Variants in HAS3 observed in about 807,000 individuals in gnomAD.
The protein encoded by HAS3 is HA synthase 3.
A neutral mutation model predicts 50.3 loss-of-function variants in HAS3; 27 were observed. The observed-to-expected ratio is 0.54, with a 90% confidence interval of 0.40 to 0.74. HAS3 has a LOEUF of 0.74. Ranked by LOEUF, HAS3 falls within the 30% of genes least tolerant of loss-of-function variation. The pLI, the probability that HAS3 is intolerant of heterozygous loss-of-function variation, is 0.00. For synonymous variants in HAS3, 339 were observed against 310.9 expected, an observed-to-expected ratio of 1.09 and a Z score of -0.95; for missense variants, 517 against 742.8, an observed-to-expected ratio of 0.70 and a Z score of 3.53.
chr16:69,118,611 T>C, downstream of HAS3: 1 of 709,304 alleles, frequency 1.4e-6, no homozygotes. Flanking sequence ...AGCAGGCTTC[T>C]GGGAGGCTGG....
Position 69,107,254 on chromosome 16 carries a change from C to T in HAS3, c.-1+1467C>T, listed in dbSNP as rs996275790. 38 of 832,732 alleles carry T rather than the reference C, an allele frequency of 4.6e-5. No individual in the cohort carries two copies. Among genetic ancestry groups the T allele is most frequent in the Non-Finnish European group, 4.3e-5 (30 of 691,408 alleles). The allele number at this position is 832,732 out of a possible 1,614,324, so 51.6% of individuals were successfully genotyped here. A position where few individuals can be genotyped will look rare whatever the true frequency, so the allele number is the denominator to read the frequency against. ...ATCTGGCTGAGGGACATTTTGGGGG[C>T]CTCTATTTGGGGGTGGGGGTAGTAA... is the stretch of plus-strand genomic sequence containing the variant. On this transcript the variant is annotated intron_variant, in intron 1 of 3. Coordinates refer to ENST00000569188, the MANE Select transcript of HAS3 (RefSeq NM_001199280.2). This position sits in a 1 kb window ranked among gnomAD's most constrained non-coding sequence, Gnocchi z 5.5.
At position 69,109,860 on chromosome 16, in the gene HAS3, C is replaced by A. The variant is rs1204868948; in HGVS notation, c.465C>A (p.Phe155Leu). The A allele has an allele frequency of 6.2e-7, 1 of 1,613,690 alleles. No homozygotes were observed. The highest frequency in any genetic ancestry group is 8.5e-7 in the Non-Finnish European group (1 of 1,180,042). The change falls in exon 2 of 4, where the codon TTC becomes TTA. Residue 155 changes from phenylalanine (F) to leucine (L), a missense_variant. Transcript: ENST00000569188. This position sits in a 1 kb window ranked among gnomAD's most constrained non-coding sequence, Gnocchi z 5.3. ...GCTTCTTTGTGTGGCGCAGCAACTT[C>A]CATGAGGCAGGCGAGGGTGAGACGG... Reference protein sequence around the residue: ...QAGFFVWRSNFHEAGEGETEA... With the variant: ...QAGFFVWRSNLHEAGEGETEA...
At chr16:69,112,798 G>A (rs1010217352) in intron 2 of HAS3, among the ~76,000 whole-genome samples, 2 of 152,246 alleles carry the variant, frequency 1.3e-5, no homozygotes, top group Admixed American at 6.5e-5. Context: ...TGGCCCTGGG[G>A]TCTGCCTGGA....
intron 2 of HAS3, among the ~76,000 whole-genome samples, 179 bp downstream of exon 2, chr16:69,110,210 G>A (rs935321043): frequency 1.3e-4 from 20 of 152,088 alleles, no homozygotes; most frequent in Admixed American, 3.9e-4. Flanking sequence ...CCAACACTTT[G>A]GGGGGCCGAG....
chr16:69,101,138 G>A (rs577863872), upstream of HAS3, among the ~76,000 whole-genome samples: 3 of 152,102 alleles, frequency 2.0e-5, no homozygotes, highest in South Asian at 4.1e-4. Flanking sequence ...AGACATGTTC[G>A]GTAATTCCCC....
At chr16:69,118,422 C>G, downstream of HAS3, 1 of 1,612,846 alleles carries the variant, frequency 6.2e-7, no homozygotes, top group Non-Finnish European at 8.5e-7. Context: ...GCTACGGAAG[C>G]ATGGTCCGTT....
the HAS3 span, among the ~76,000 whole-genome samples, chr16:69,100,116 G>GC: frequency 6.6e-6 from 1 of 152,258 alleles, no homozygotes; most frequent in South Asian, 2.1e-4. Context: ...TCTAACGGCA[G>GC]CACAGGAAAG....
chr16:69,108,338 T>C (rs1960878694), intron 1 of HAS3, among the ~76,000 whole-genome samples: 1 of 152,150 alleles, frequency 6.6e-6, no homozygotes, highest in African/African-American at 2.4e-5. Flanking sequence ...ACTCCCATTG[T>C]GCTATGGGGA....
chr16:69,087,814 T>G, the HAS3 span, among the ~76,000 whole-genome samples: 1 of 150,438 alleles, frequency 6.6e-6, no homozygotes, highest in African/African-American at 2.4e-5. Flanking sequence ...GCAATTCTCC[T>G]GCCTTAGCCT....
In HAS3 at chr16:69,115,285, C is replaced by A; in HGVS notation, c.*19C>A. 6.7e-7 allele frequency: 1 copy of A among 1,491,268 alleles called. No homozygotes were observed. The allele number at this position is 1,491,268 out of a possible 1,614,324, so 92.4% of individuals were successfully genotyped here. On this transcript the variant is annotated 3_prime_UTR_variant, in exon 4 of 4. Transcript: ENST00000569188. Reference sequence around the variant, plus strand: ...GGTGTGACATGGCCCCCAAGCAGAGCGGGTAAAGTGCAATGGGTAAGGGAG... The same window carrying A: ...GGTGTGACATGGCCCCCAAGCAGAGAGGGTAAAGTGCAATGGGTAAGGGAG...
At chr16:69,099,658 T>G in the HAS3 span, among the ~76,000 whole-genome samples, 1 of 152,228 alleles carries the variant, frequency 6.6e-6, no homozygotes, top group African/African-American at 2.4e-5. Context: ...AACAACAACA[T>G]AAATGCAGGT....
chr16:69,089,857 GGTTCTTT>G, the HAS3 span, among the ~76,000 whole-genome samples: 2 of 152,112 alleles, frequency 1.3e-5, no homozygotes, highest in Non-Finnish European at 2.9e-5. Flanking sequence ...TGCCCTCTGC[GGTTCTTT>G]GTAACACAGT....
chr16:69,095,022 C>T, the HAS3 span, among the ~76,000 whole-genome samples: 1 of 148,150 alleles, frequency 6.7e-6, no homozygotes, highest in Non-Finnish European at 1.5e-5. Flanking sequence ...CGCTCTGTCA[C>T]CCAGGCTGGA....
Position 69,115,768 on chromosome 16 carries a change from C to T in HAS3, c.*502C>T. ...TAGTCATCAATGCAATAAGATTGCG[C>T]CTGAGATACAAGGCCCAGAAGCCTG... On this transcript the variant is annotated 3_prime_UTR_variant, in exon 4 of 4. Coordinates refer to ENST00000569188, the MANE Select transcript of HAS3 (RefSeq NM_001199280.2). The T allele has an allele frequency of 1.0e-6, 1 of 986,294 alleles. No homozygotes were observed. The highest frequency in any genetic ancestry group is 1.2e-6 in the Non-Finnish European group (1 of 830,424). 61.1% of individuals were successfully genotyped at this position (986,294 alleles called of 1,614,324 possible). A position where few individuals can be genotyped will look rare whatever the true frequency, so the allele number is the denominator to read the frequency against.
chr16:69,094,088 CAG>C, the HAS3 span, among the ~76,000 whole-genome samples: 1 of 152,200 alleles, frequency 6.6e-6, no homozygotes, highest in Non-Finnish European at 1.5e-5. Flanking sequence ...GAGTGGTTTG[CAG>C]AGTGGGTGTG....
chr16:69,118,031 A>G (rs1961279533), downstream of HAS3: 1 of 369,036 alleles, frequency 2.7e-6, no homozygotes, highest in Admixed American at 4.2e-5. Context: ...CCATTTATTA[A>G]AGAAACAGTA....
chr16:69,096,376 T>G, the HAS3 span, among the ~76,000 whole-genome samples: 1 of 150,432 alleles, frequency 6.6e-6, no homozygotes, highest in Admixed American at 6.6e-5. Flanking sequence ...ACTAAAAATA[T>G]TTTTTGACAA....
chr16:69,112,461 G>A (rs1341068756), intron 2 of HAS3, among the ~76,000 whole-genome samples: 1 of 152,190 alleles, frequency 6.6e-6, no homozygotes, highest in Non-Finnish European at 1.5e-5. Context: ...AGAGAAAGCT[G>A]GGTGGGGTTG....
upstream of HAS3, among the ~76,000 whole-genome samples, chr16:69,104,945 G>T (rs1414842741): frequency 1.4e-5 from 2 of 141,314 alleles, no homozygotes; most frequent in African/African-American, 5.2e-5. Flanking sequence ...AGAAGTGATA[G>T]AAATTATATC....
Sources: gnomAD v4.1 joint callset for allele counts (sites outside exome capture counted in the v4.1 genomes callset) on GRCh38, gnomAD v4.1.1 for gene constraint, Gnocchi (gnomAD v3.1) non-coding constraint, MANE v1.5 for transcripts, NCBI Gene and HGNC (gene_info 2026-07-23, HGNC 2026-07-21) for gene names.